The following CCDC149 variants were observed in gnomAD, a reference collection of about 807,000 sequenced individuals.
CCDC149 encodes coiled-coil domain-containing protein 149.
A neutral mutation model predicts 59.9 loss-of-function variants in CCDC149; 45 were observed. The observed-to-expected ratio is 0.75, with a 90% confidence interval of 0.59 to 0.96. CCDC149 has a LOEUF of 0.96. Among genes scored for constraint, CCDC149 ranks in the 40% least tolerant of loss-of-function variants. The pLI, the probability that CCDC149 is intolerant of heterozygous loss-of-function variation, is 0.00. For missense variants in CCDC149, 584 were observed against 664.7 expected (o/e 0.88, Z 1.33); for synonymous variants, 245 against 260.6 (o/e 0.94, Z 0.58).
At chr4:24,871,042 CAAA>C (rs35580363) in intron 3 of CCDC149, among the ~76,000 whole-genome samples, 4 of 77,978 alleles carry the variant, frequency 5.1e-5, no homozygotes, top group Admixed American at 1.4e-4. Flanking sequence ...GAGACTCCCT[CAAA>C]AAAAAAAAAA....
rs573480026 is a variant in CCDC149 at position 24,846,681 on chromosome 4, G to C, written c.372+6391C>G. 3.9e-5 allele frequency among the ~76,000 whole-genome samples: 6 copies of C among 152,278 alleles called. No homozygotes were observed. The East Asian group carries it at 1.2e-3, about 29-fold the overall frequency. On this transcript the variant is annotated intron_variant, in intron 4 of 12. Transcript: ENST00000635206. ...CACGGCACCAATGACAGATAAAACA[G>C]AGGTACCTAAAGACCTTCAGCTGGT...
chr4:24,876,384 TGAG>T, intron 2 of CCDC149, 149 bp downstream of exon 2: 1 of 689,640 alleles, frequency 1.5e-6, no homozygotes, highest in Admixed American at 3.0e-5. Flanking sequence ...ACTGGGTTGT[TGAG>T]GAAATAGAGG....
chr4:24,813,194 A>G (rs1714744668), intron 12 of CCDC149, among the ~76,000 whole-genome samples: 1 of 152,124 alleles, frequency 6.6e-6, no homozygotes, highest in Non-Finnish European at 1.5e-5. Flanking sequence ...ATGGCAATAC[A>G]GCAAGAAGGC....
intron 1 of CCDC149, among the ~76,000 whole-genome samples, chr4:24,962,704 A>G (rs1723670877): frequency 6.6e-6 from 1 of 151,188 alleles, no homozygotes; most frequent in Admixed American, 6.6e-5. Context: ...GGACACAGGA[A>G]GGGGAACATC....
Position 24,966,876 on chromosome 4 carries a change from G to A in CCDC149, c.-65+13193C>T, listed in dbSNP as rs193023608. On this transcript the variant is annotated intron_variant, in intron 1 of 12. Coordinates refer to the CCDC149 transcript ENST00000389609. ...AGCTTTGGGGAAACACTGGGCGACT[G>A]GAGGCCACATGTGGAATTAGCAATC... Among the ~76,000 whole-genome samples the A allele has an allele frequency of 5.3e-5, 8 of 152,296 alleles. No individual in the cohort carries two copies. The East Asian group carries it at 1.5e-3, about 29-fold the overall frequency.
In CCDC149 at chr4:24,970,614, G is replaced by A. The variant is rs79264070; in HGVS notation, c.-65+9455C>T. On this transcript the variant is annotated intron_variant, in intron 1 of 12. Transcript: ENST00000389609. ...TACACCAAAGGTATAGTGACAAGGT[G>A]GTGGAACAAGAAGCCCCACCAACAT... is the stretch of plus-strand genomic sequence containing the variant. Among the ~76,000 whole-genome samples, 553 of 152,190 alleles carry A rather than the reference G, an allele frequency of 3.6e-3. 4 individuals carry two copies. The highest frequency in any genetic ancestry group is 0.012 in the African/African-American group (495 of 41,512).
intron 1 of CCDC149, among the ~76,000 whole-genome samples, chr4:24,970,491 C>G (rs1723932941): frequency 6.6e-6 from 1 of 152,118 alleles, no homozygotes; most frequent in South Asian, 2.1e-4. Flanking sequence ...ACGTGTAGTA[C>G]CTCCAGCCCA....
chr4:24,935,326 A>G (rs1317067765), intron 1 of CCDC149, among the ~76,000 whole-genome samples: 1 of 152,216 alleles, frequency 6.6e-6, no homozygotes, highest in Non-Finnish European at 1.5e-5. Context: ...AGAAGAGCAA[A>G]TTTGGGGTAA....
At chr4:24,957,303 G>T (rs1723492725) in intron 1 of CCDC149, among the ~76,000 whole-genome samples, 1 of 152,214 alleles carries the variant, frequency 6.6e-6, no homozygotes, top group Non-Finnish European at 1.5e-5. Context: ...CCCCAAACCA[G>T]TAGCACAGAT....
rs200001081 is a variant in CCDC149 at position 24,975,842 on chromosome 4, G to GT, written c.-65+4226dup. 4.0e-3 allele frequency among the ~76,000 whole-genome samples: 600 copies of GT among 151,556 alleles called. 15 individuals are homozygous for GT. Among genetic ancestry groups the GT allele is most frequent in the Admixed American group, 0.029 (440 of 15,200 alleles). On this transcript the variant is annotated intron_variant, in intron 1 of 12. Coordinates refer to the CCDC149 transcript ENST00000389609. ...CTTTGAATTTTGTAATTAGAAATGAGTTTTTTTTTCTGATCAGGCCCATCA... is the reference window on the plus strand; with the variant it reads ...CTTTGAATTTTGTAATTAGAAATGAGTTTTTTTTTTCTGATCAGGCCCATCA...
intron 1 of CCDC149, among the ~76,000 whole-genome samples, chr4:24,889,149 C>T (rs1365000790): frequency 6.6e-6 from 1 of 152,102 alleles, no homozygotes; most frequent in Non-Finnish European, 1.5e-5. Context: ...GAAGGTTTGC[C>T]TGAATATCTA....
At chr4:24,912,065 C>G (rs1356621060) in intron 1 of CCDC149, among the ~76,000 whole-genome samples, 1 of 152,168 alleles carries the variant, frequency 6.6e-6, no homozygotes, top group Non-Finnish European at 1.5e-5. Flanking sequence ...TCCCTCTCAC[C>G]TGGAGAGGCC....
chr4:24,836,111 C>G (rs1377950903), intron 7 of CCDC149, among the ~76,000 whole-genome samples: 1 of 152,136 alleles, frequency 6.6e-6, no homozygotes, highest in Non-Finnish European at 1.5e-5. Context: ...GGGTAAGAAA[C>G]CTAATTGCAA....
At chr4:24,827,042 T>C (rs929903522) in intron 9 of CCDC149, 1 of 152,206 alleles carries the variant, frequency 6.6e-6, no homozygotes, top group African/African-American at 2.4e-5. Context: ...ATCTACCTAG[T>C]AGTCTAGGAA....
intron 1 of CCDC149, chr4:24,895,176 T>C (rs1720770429): frequency 2.8e-6 from 2 of 712,230 alleles, no homozygotes; most frequent in Admixed American, 2.1e-5. Flanking sequence ...AGAATAATGG[T>C]TACCTCTGGG....
intron 1 of CCDC149, among the ~76,000 whole-genome samples, chr4:24,881,553 A>G (rs935415151): frequency 3.3e-5 from 5 of 152,166 alleles, no homozygotes; most frequent in African/African-American, 1.2e-4. Context: ...CCAGAAAAAA[A>G]TTATTGGTGT....
intron 1 of CCDC149, among the ~76,000 whole-genome samples, chr4:24,919,604 G>T (rs1269106345): frequency 6.6e-6 from 1 of 152,200 alleles, no homozygotes; most frequent in Non-Finnish European, 1.5e-5. Flanking sequence ...GCATGAATGG[G>T]TGATTATACT....
At chr4:24,916,433 C>T (rs746992048), upstream of CCDC149, among the ~76,000 whole-genome samples, 2 of 152,130 alleles carry the variant, frequency 1.3e-5, no homozygotes, top group Non-Finnish European at 2.9e-5. Flanking sequence ...ATGATTTGAA[C>T]TTATTGTTAG....
At chr4:24,901,072 C>G (rs945663937) in intron 1 of CCDC149, among the ~76,000 whole-genome samples, 3 of 152,168 alleles carry the variant, frequency 2.0e-5, no homozygotes, top group African/African-American at 7.2e-5. Flanking sequence ...GCTAGCTGTA[C>G]AGAGGATAAA....
Sources: allele counts gnomAD v4.1 joint callset (sites outside exome capture counted in the v4.1 genomes callset), GRCh38; gene constraint gnomAD v4.1.1; transcripts MANE v1.5; gene names NCBI Gene and HGNC (gene_info 2026-07-23, HGNC 2026-07-21).